The following LRCH1 variants were observed in gnomAD, a reference collection of about 807,000 sequenced individuals.
The protein encoded by LRCH1 is leucine rich repeats and calponin homology domain containing 1.
In LRCH1, 23 loss-of-function variants were observed where a neutral mutation model predicts 94.9. That is an observed-to-expected ratio of 0.24 (90% CI 0.17 to 0.34). The LOEUF (loss-of-function observed/expected upper bound fraction) is 0.34, where lower values mean the gene tolerates loss of function less well. Among genes scored for constraint, LRCH1 ranks in the 10% least tolerant of loss-of-function variants. The pLI is 1.00. For synonymous variants in LRCH1, 364 were observed against 354.9 expected, an observed-to-expected ratio of 1.03 and a Z score of -0.29; for missense variants, 790 against 945.9, an observed-to-expected ratio of 0.84 and a Z score of 2.16.
At chr13:46,735,897 A>G (rs185014222) in intron 19 of LRCH1, among the ~76,000 whole-genome samples, 1 of 149,900 alleles carries the variant, frequency 6.7e-6, no homozygotes, top group African/African-American at 2.5e-5. Flanking sequence ...CCCGGGTTCA[A>G]GCGATTCTCT....
Position 46,736,118 on chromosome 13 carries a change from CTGTG to C in LRCH1, c.2085+2154_2085+2157del, listed in dbSNP as rs3138585. ...GGCCAAGGTGATTTTCAAATTTGCT[CTGTG>C]TGTGTGTGTGTGTGTGTGTGTGTGT... is the stretch of plus-strand genomic sequence containing the variant. On this transcript the variant is annotated intron_variant, in intron 19 of 19. Transcript: ENST00000389797. Among the ~76,000 whole-genome samples the C allele has an allele frequency of 7.9e-4, 113 of 142,292 alleles. 1 individual carries two copies. The highest frequency in any genetic ancestry group is 1.5e-3 in the Admixed American group (22 of 14,214). The allele number at this position is 142,292 out of a possible 152,430, so 93.3% of individuals were successfully genotyped here.
chr13:46,709,692 T>C (rs1400779911), intron 13 of LRCH1, among the ~76,000 whole-genome samples: 2 of 152,124 alleles, frequency 1.3e-5, no homozygotes, highest in African/African-American at 2.4e-5. Context: ...CAACTTACAA[T>C]GTTTTGTGTT....
chr13:46,660,313 C>T (rs1159434384), intron 2 of LRCH1, among the ~76,000 whole-genome samples: 1 of 151,914 alleles, frequency 6.6e-6, no homozygotes, highest in Non-Finnish European at 1.5e-5. Flanking sequence ...CGCACCTGGC[C>T]TAGGAGTCAA....
intron 1 of LRCH1, among the ~76,000 whole-genome samples, chr13:46,609,865 C>T (rs1594283291): frequency 6.6e-6 from 1 of 152,240 alleles, no homozygotes; most frequent in African/African-American, 2.4e-5. Context: ...TCAGGGGCTG[C>T]CAGACACACA....
chr13:46,602,973 TGC>T (rs1491559910), intron 1 of LRCH1, among the ~76,000 whole-genome samples: 53 of 81,270 alleles, frequency 6.5e-4, no homozygotes, highest in Non-Finnish European at 1.1e-3. Flanking sequence ...CATACATACA[TGC>T]ATGCATACAT....
chr13:46,701,072 T>C (rs1284299536), intron 10 of LRCH1, 49 bp from the exon 11 acceptor site: 1 of 1,122,364 alleles, frequency 8.9e-7, no homozygotes, highest in Admixed American at 1.9e-5. Context: ...TAGATGATAT[T>C]CATGTTGTAT....
In LRCH1 at chr13:46,744,138, G is replaced by A. The variant is rs144628688; in HGVS notation, c.*2290G>A. ...TCTGTGGTTTTTCTCCAAGGTACCC[G>A]TGCACCAGCCCATATGCTAACTGGA... On this transcript the variant is annotated 3_prime_UTR_variant, in exon 20 of 20. Transcript: ENST00000389797. The A allele has an allele frequency of 6.3e-4, 623 of 985,180 alleles. 2 individuals carry two copies. In the African/African-American group the frequency reaches 9.6e-3, roughly 15 times the overall value. 61.0% of individuals were successfully genotyped at this position (985,180 alleles called of 1,614,324 possible). A position where few individuals can be genotyped will look rare whatever the true frequency, so the allele number is the denominator to read the frequency against.
chr13:46,740,855 G>A (rs1873615390), intron 19 of LRCH1, among the ~76,000 whole-genome samples: 1 of 152,182 alleles, frequency 6.6e-6, no homozygotes, highest in African/African-American at 2.4e-5. Context: ...TGAGAAATAG[G>A]TGTTCTGCTT....
chr13:46,628,433 C>T (rs1286760329), intron 1 of LRCH1, among the ~76,000 whole-genome samples: 3 of 151,950 alleles, frequency 2.0e-5, no homozygotes, highest in African/African-American at 4.8e-5. Flanking sequence ...GTCAGGAGTT[C>T]GAGACCTGAC....
chr13:46,739,996 A>G (rs1251116629), intron 19 of LRCH1, among the ~76,000 whole-genome samples: 1 of 152,228 alleles, frequency 6.6e-6, no homozygotes, highest in African/African-American at 2.4e-5. Flanking sequence ...ATACTTGGTG[A>G]AGATAGAATC....
chr13:46,555,236 C>T (rs764125467), intron 1 of LRCH1, among the ~76,000 whole-genome samples: 11 of 152,318 alleles, frequency 7.2e-5, no homozygotes, highest in Admixed American at 1.3e-4. Context: ...TTGCCTGAAT[C>T]ACTGACTTAA....
intron 19 of LRCH1, among the ~76,000 whole-genome samples, chr13:46,736,405 C>G (rs553023300): frequency 6.6e-6 from 1 of 152,084 alleles, no homozygotes; most frequent in South Asian, 2.1e-4. Context: ...GAATATGACA[C>G]TAAATTGAGG....
intron 3 of LRCH1, among the ~76,000 whole-genome samples, chr13:46,672,117 T>G (rs1284261103): frequency 6.6e-6 from 1 of 152,240 alleles, no homozygotes; most frequent in Non-Finnish European, 1.5e-5. Flanking sequence ...TTCCAGAATG[T>G]CATGTAGTTG....
intron 1 of LRCH1, among the ~76,000 whole-genome samples, chr13:46,607,381 C>A (rs1023656380): frequency 7.2e-5 from 11 of 152,226 alleles, no homozygotes; most frequent in East Asian, 1.9e-4. Flanking sequence ...CTAGAAGAGA[C>A]CTTTTTTTGT....
chr13:46,715,133 A>C lies in LRCH1; in HGVS notation c.1655-427A>C, dbSNP rs145618857. 2.8e-3 allele frequency among the ~76,000 whole-genome samples: 434 copies of C among 152,282 alleles called. 1 individual carries two copies. The highest frequency in any genetic ancestry group is 9.5e-3 in the African/African-American group (396 of 41,564). ...ATTTACGCATATTAAGTTTTATTCT[A>C]TGTCACCAATTTTTTTGTGTGTGAA... On this transcript the variant is annotated intron_variant, in intron 15 of 19. Coordinates refer to ENST00000389797, the MANE Select transcript of LRCH1 (RefSeq NM_001164211.2).
In LRCH1 at chr13:46,742,460, C is replaced by T. The variant is rs751279025; in HGVS notation, c.*612C>T. 14 of 986,916 alleles carry T rather than the reference C, an allele frequency of 1.4e-5. No homozygotes were observed. The highest frequency in any genetic ancestry group is 8.7e-5 in the African/African-American group (5 of 57,246). 61.1% of individuals were successfully genotyped at this position (986,916 alleles called of 1,614,324 possible). A position where few individuals can be genotyped will look rare whatever the true frequency, so the allele number is the denominator to read the frequency against. On this transcript the variant is annotated 3_prime_UTR_variant, in exon 20 of 20. Coordinates refer to ENST00000389797, the MANE Select transcript of LRCH1 (RefSeq NM_001164211.2). ...CCCAAATTTCCTAAAAAGGGAGCCG[C>T]GAAGGGCGCTGGGCAGTGTGGCCGC...
intron 1 of LRCH1, among the ~76,000 whole-genome samples, chr13:46,631,669 A>T (rs960154246): frequency 8.6e-5 from 13 of 152,006 alleles, no homozygotes; most frequent in East Asian, 3.9e-4. Context: ...TCATGTTTGG[A>T]TCTAGCTGTT....
chr13:46,699,005 T>A (rs1411978227), intron 9 of LRCH1, among the ~76,000 whole-genome samples: 1 of 152,224 alleles, frequency 6.6e-6, no homozygotes, highest in Non-Finnish European at 1.5e-5. Flanking sequence ...TCTGTCTGGA[T>A]GAATTTGATT....
chr13:46,626,230 C>G (rs2050947670), intron 1 of LRCH1, among the ~76,000 whole-genome samples: 1 of 152,094 alleles, frequency 6.6e-6, no homozygotes, highest in Non-Finnish European at 1.5e-5. Context: ...ATGGCTTTTT[C>G]CAAAGCATAG....
Sources: allele counts gnomAD v4.1 joint callset (sites outside exome capture counted in the v4.1 genomes callset), GRCh38; gene constraint gnomAD v4.1.1; transcripts MANE v1.5; gene names NCBI Gene and HGNC (gene_info 2026-07-23, HGNC 2026-07-21).